Variants in CAMK1D observed in about 807,000 individuals in gnomAD.
CAMK1D encodes the protein calcium/calmodulin dependent protein kinase ID, also known as calcium/calmodulin-dependent protein kinase type 1D.
In CAMK1D, 9 loss-of-function variants were observed where a neutral mutation model predicts 47.7. The observed-to-expected ratio is 0.19, with a 90% CI of 0.11 to 0.33. The LOEUF is 0.33. Ranked by LOEUF, CAMK1D falls within the 10% of genes least tolerant of loss-of-function variation. CAMK1D has a pLI of 1.00. For missense variants in CAMK1D, 291 were observed against 488.7 expected, an observed-to-expected ratio of 0.60 and a Z score of 3.81; for synonymous variants, 184 against 184.9, an observed-to-expected ratio of 0.99 and a Z score of 0.04.
chr10:12,552,976 C>T (rs1325292447), intron 1 of CAMK1D, among the ~76,000 whole-genome samples: 1 of 152,180 alleles, frequency 6.6e-6, no homozygotes, highest in Non-Finnish European at 1.5e-5. Flanking sequence ...CTCCTGACCT[C>T]AGGTGGTCTG....
intron 3 of CAMK1D, among the ~76,000 whole-genome samples, chr10:12,749,570 G>GT (rs1334614122): frequency 8.4e-6 from 1 of 119,342 alleles, no homozygotes; most frequent in African/African-American, 3.6e-5. Context: ...TTGTTTGTTT[G>GT]TTTGTTTTGA....
rs750447013 is a variant in CAMK1D at position 12,672,896 on chromosome 10, C to CTTTTTTTTTTTTTTTTTTT, written c.299+6087_299+6105dup. ...CATGTAAGTTTTAGAATAGGCTTGC[C>CTTTTTTTTTTTTTTTTTTT]TTTTTTTTTTTTTTTTTTTAGTCAG... On this transcript the variant is annotated intron_variant, in intron 3 of 10. Transcript: ENST00000619168. Among the ~76,000 whole-genome samples, 21 of 76,494 alleles carry CTTTTTTTTTTTTTTTTTTT rather than the reference C, an allele frequency of 2.7e-4. 2 individuals are homozygous for CTTTTTTTTTTTTTTTTTTT. The highest frequency in any genetic ancestry group is 6.9e-4 in the African/African-American group (11 of 15,850). 50.2% of individuals were successfully genotyped at this position (76,494 alleles called of 152,430 possible).
At chr10:12,676,493 C>T (rs189884875) in intron 3 of CAMK1D, among the ~76,000 whole-genome samples, 132 of 152,306 alleles carry the variant, frequency 8.7e-4, no homozygotes, top group Non-Finnish European at 1.6e-4. Flanking sequence ...AGTGCTTTCA[C>T]GTTATGCTAG....
At chr10:12,783,489 C>T (rs1291198321) in intron 5 of CAMK1D, among the ~76,000 whole-genome samples, 4 of 152,280 alleles carry the variant, frequency 2.6e-5, no homozygotes, top group East Asian at 3.9e-4. Flanking sequence ...CTAAGGGCTT[C>T]GCCGTTTCCT....
intron 1 of CAMK1D, among the ~76,000 whole-genome samples, chr10:12,394,834 T>C (rs1838882492): frequency 1.3e-5 from 2 of 152,064 alleles, no homozygotes; most frequent in East Asian, 1.9e-4. Flanking sequence ...AACTGAGCCT[T>C]GGAAAATGAC....
At chr10:12,454,461 C>G (rs981092396) in intron 1 of CAMK1D, among the ~76,000 whole-genome samples, 1 of 151,964 alleles carries the variant, frequency 6.6e-6, no homozygotes, top group Non-Finnish European at 1.5e-5. Flanking sequence ...CACTCCCGGC[C>G]GAATTTTAAT....
chr10:12,400,604 T>C (rs1037379553), intron 1 of CAMK1D, among the ~76,000 whole-genome samples: 1 of 152,136 alleles, frequency 6.6e-6, no homozygotes, highest in Non-Finnish European at 1.5e-5. Context: ...TACTAAATAG[T>C]ATATAAAATG....
At chr10:12,502,645 C>A (rs1183064923) in intron 1 of CAMK1D, among the ~76,000 whole-genome samples, 2 of 152,214 alleles carry the variant, frequency 1.3e-5, no homozygotes, top group Non-Finnish European at 2.9e-5. Context: ...TTAGCCCGGG[C>A]CCTCGGACAC....
chr10:12,435,221 C>CAAAAAA (rs910066372), intron 1 of CAMK1D, among the ~76,000 whole-genome samples: 342 of 43,276 alleles, frequency 7.9e-3, no homozygotes, highest in African/African-American at 8.7e-3. Flanking sequence ...AACTCTGTCT[C>CAAAAAA]AAAAAAAAAA....
At chr10:12,541,862 C>CCTT (rs1333117830) in intron 1 of CAMK1D, among the ~76,000 whole-genome samples, 1 of 141,976 alleles carries the variant, frequency 7.0e-6, no homozygotes, top group African/African-American at 2.8e-5. Context: ...TTCCTTCCTT[C>CCTT]CTTCCTTCCT....
chr10:12,660,093 C>T (rs573009703), intron 2 of CAMK1D, among the ~76,000 whole-genome samples: 1 of 152,288 alleles, frequency 6.6e-6, no homozygotes, highest in South Asian at 2.1e-4. Flanking sequence ...GGTCAATGCC[C>T]ATTACTAGAG....
At chr10:12,675,856 A>G (rs571505959) in intron 3 of CAMK1D, among the ~76,000 whole-genome samples, 1 of 152,286 alleles carries the variant, frequency 6.6e-6, no homozygotes, top group African/African-American at 2.4e-5. Flanking sequence ...CTTCCTTGCA[A>G]TTCCTCAAAC....
intron 1 of CAMK1D, among the ~76,000 whole-genome samples, chr10:12,450,469 A>T (rs1176894923): frequency 6.6e-6 from 1 of 152,252 alleles, no homozygotes; most frequent in East Asian, 1.9e-4. Flanking sequence ...CTTTAGAGAC[A>T]TAAACGTGGC....
At chr10:12,464,281 C>T (rs1305086391) in intron 1 of CAMK1D, among the ~76,000 whole-genome samples, 1 of 152,270 alleles carries the variant, frequency 6.6e-6, no homozygotes, top group East Asian at 1.9e-4. Context: ...GGTCTTCCAT[C>T]AGTTGGTATT....
intron 1 of CAMK1D, among the ~76,000 whole-genome samples, chr10:12,374,630 A>G (rs12773845): frequency 0.34 from 50,926 of 151,938 alleles, 8,673 homozygotes; most frequent in Middle Eastern, 0.4. Context: ...CAGTTGTCCT[A>G]TATTTTTCTT....
chr10:12,466,115 C>T (rs1466353830), intron 1 of CAMK1D, among the ~76,000 whole-genome samples: 2 of 151,576 alleles, frequency 1.3e-5, no homozygotes, highest in Non-Finnish European at 1.5e-5. Flanking sequence ...GCCAGGAGTT[C>T]GAGACTAGCC....
chr10:12,356,778 T>C (rs573706321), intron 1 of CAMK1D, among the ~76,000 whole-genome samples: 11 of 151,712 alleles, frequency 7.3e-5, no homozygotes, highest in Admixed American at 7.2e-4. Context: ...AGTGTCCTTA[T>C]TGATTAGTAA....
chr10:12,685,021 C>T (rs965025632), intron 3 of CAMK1D, among the ~76,000 whole-genome samples: 9 of 152,186 alleles, frequency 5.9e-5, no homozygotes, highest in African/African-American at 2.2e-4. Context: ...TAACAACAGC[C>T]ATTACTGGCT....
At chr10:12,825,756 G>A in intron 10 of CAMK1D, 66 bp downstream of exon 10, 1 of 1,609,654 alleles carries the variant, frequency 6.2e-7, no homozygotes, top group Non-Finnish European at 8.5e-7. Context: ...TGGAGAGGAG[G>A]GAGCCGGCAT....
Sources: allele counts gnomAD v4.1 joint callset (sites outside exome capture counted in the v4.1 genomes callset), GRCh38; gene constraint gnomAD v4.1.1; transcripts MANE v1.5; gene names NCBI Gene and HGNC (gene_info 2026-07-23, HGNC 2026-07-21).